The following STRN variants were observed in gnomAD, a reference collection of about 807,000 sequenced individuals.
STRN encodes striatin.
STRN carries 53 observed loss-of-function variants against 96.3 expected under a neutral mutation model. That is an observed-to-expected ratio of 0.55 (90% CI 0.44 to 0.69). The LOEUF (loss-of-function observed/expected upper bound fraction) is 0.69. Ranked by LOEUF, STRN falls within the 30% of genes least tolerant of loss-of-function variation. STRN has a pLI of 0.00. For synonymous variants in STRN, 428 were observed against 355.9 expected (o/e 1.20, Z -2.28); for missense variants, 987 against 963.9 (o/e 1.02, Z -0.32).
In STRN at chr2:36,877,898, G is replaced by A. The variant is rs77353404; in HGVS notation, c.1316C>T (p.Thr439Ile). 0.017 allele frequency: 26,643 copies of A among 1,613,832 alleles called. 263 individuals carry two copies. The highest frequency in any genetic ancestry group is 0.02 in the Non-Finnish European group (23,115 of 1,179,924). ...AACAAAACTACTACTTACATCATAA[G>A]TTAGTGAGTCTGCTTCATTGGCCAC... The part of the protein sequence containing the change: ...LTVANEADSL[T>I]YDIANNKDAL... The change falls in exon 10 of 18, where the codon ACT becomes ATT. Residue 439 changes from threonine to isoleucine, a missense_variant. By Grantham distance (89) the Thr-to-Ile change is moderately conservative. Transcript: ENST00000263918.
At chr2:36,919,508 A>C (rs921678271) in intron 2 of STRN, among the ~76,000 whole-genome samples, 1 of 152,214 alleles carries the variant, frequency 6.6e-6, no homozygotes, top group Non-Finnish European at 1.5e-5. Context: ...CAGTGGGTCA[A>C]AAAACAGCAG....
At chr2:36,903,611 G>A (rs1350150725) in intron 4 of STRN, among the ~76,000 whole-genome samples, 1 of 152,126 alleles carries the variant, frequency 6.6e-6, no homozygotes, top group Non-Finnish European at 1.5e-5. Context: ...CGAGTCTACT[G>A]GATGAAAGAA....
At chr2:36,907,058 TAA>T (rs953620731) in intron 3 of STRN, among the ~76,000 whole-genome samples, 10 of 152,058 alleles carry the variant, frequency 6.6e-5, no homozygotes, top group African/African-American at 2.4e-4. Context: ...GGTGATAAAA[TAA>T]AAAGAGCTTT....
intron 1 of STRN, among the ~76,000 whole-genome samples, chr2:36,961,114 A>ATTTT (rs1665019693): frequency 1.2e-4 from 9 of 73,352 alleles, no homozygotes; most frequent in African/African-American, 6.7e-4. Context: ...CCCAGGCTGC[A>ATTTT]CTTTTTTTTT....
chr2:36,899,785 T>C, intron 5 of STRN, 127 bp from the exon 6 acceptor site: 2 of 864,688 alleles, frequency 2.3e-6, no homozygotes, highest in Non-Finnish European at 3.4e-6. Context: ...ATTATCTACA[T>C]TGATTCTTAT....
At chr2:36,865,418 C>A (rs1668595973) in intron 12 of STRN, among the ~76,000 whole-genome samples, 1 of 151,998 alleles carries the variant, frequency 6.6e-6, no homozygotes, top group African/African-American at 2.4e-5. Context: ...TTCGAAGAAC[C>A]AACTTCTGGT....
At chr2:36,854,154 T>C (rs1160914559) in intron 15 of STRN, among the ~76,000 whole-genome samples, 2 of 152,176 alleles carry the variant, frequency 1.3e-5, no homozygotes, top group Non-Finnish European at 2.9e-5. Flanking sequence ...ATATAATCTC[T>C]GAAGGTAATT....
At chr2:36,882,762 C>CT (rs1490332357) in intron 9 of STRN, among the ~76,000 whole-genome samples, 1 of 152,086 alleles carries the variant, frequency 6.6e-6, no homozygotes, top group Non-Finnish European at 1.5e-5. Flanking sequence ...GAGTGACAGC[C>CT]TGTCTCCAAA....
At chr2:36,942,921 C>G (rs1451898674) in intron 1 of STRN, among the ~76,000 whole-genome samples, 1 of 152,106 alleles carries the variant, frequency 6.6e-6, no homozygotes, top group Admixed American at 6.6e-5. Context: ...GTGTCGAACT[C>G]CTGACCTCAA....
At chr2:36,923,383 G>A (rs1203922526) in intron 2 of STRN, among the ~76,000 whole-genome samples, 4 of 149,400 alleles carry the variant, frequency 2.7e-5, no homozygotes, top group Admixed American at 6.7e-5. Flanking sequence ...CCCAGAAGGC[G>A]GAGGTTGCAG....
At chr2:36,935,332 C>T (rs1670675675) in intron 1 of STRN, among the ~76,000 whole-genome samples, 1 of 152,168 alleles carries the variant, frequency 6.6e-6, no homozygotes, top group South Asian at 2.1e-4. Flanking sequence ...AAAAAAACCT[C>T]TGTATGTACA....
Position 36,909,164 on chromosome 2 carries a change from A to G in STRN, c.413-3546T>C, listed in dbSNP as rs577589910. Among the ~76,000 whole-genome samples, 3 of 152,048 alleles carry G rather than the reference A, an allele frequency of 2.0e-5. No homozygotes were observed. In the East Asian group the frequency reaches 5.8e-4, roughly 29 times the overall value. Reference sequence around the variant, plus strand: ...GAGCTAGAGACTTCATCTCAAAAAAAAAAAAAAAAAAAATTCAGGTTAAAA... The same window carrying G: ...GAGCTAGAGACTTCATCTCAAAAAAGAAAAAAAAAAAAATTCAGGTTAAAA... On this transcript the variant is annotated intron_variant, in intron 3 of 17. Coordinates refer to ENST00000263918, the MANE Select transcript of STRN (RefSeq NM_003162.4).
chr2:36,866,049 T>G (rs1004470787), intron 12 of STRN, among the ~76,000 whole-genome samples: 3 of 152,152 alleles, frequency 2.0e-5, no homozygotes, highest in African/African-American at 7.2e-5. Context: ...CTGTATGGTT[T>G]TGAGCAATCT....
intron 12 of STRN, among the ~76,000 whole-genome samples, chr2:36,867,199 C>T (rs1008872203): frequency 5.9e-5 from 9 of 151,826 alleles, no homozygotes; most frequent in Non-Finnish European, 1.3e-4. Context: ...AATATGAAAC[C>T]CTTCGGCCAG....
At chr2:36,886,311 G>A (rs1669225412) in intron 8 of STRN, among the ~76,000 whole-genome samples, 1 of 152,154 alleles carries the variant, frequency 6.6e-6, no homozygotes, top group African/African-American at 2.4e-5. Context: ...TGTCACCAAT[G>A]TCTAAAATTA....
At chr2:36,925,270 A>T in intron 1 of STRN, 62 bp from the exon 2 acceptor site, 1 of 1,141,416 alleles carries the variant, frequency 8.8e-7, no homozygotes, top group South Asian at 1.3e-5. Flanking sequence ...TTTTTAACTC[A>T]GTAAAGAACC....
intron 7 of STRN, among the ~76,000 whole-genome samples, chr2:36,890,673 G>A (rs1400976988): frequency 4.6e-5 from 7 of 151,744 alleles, no homozygotes; most frequent in African/African-American, 1.7e-4. Flanking sequence ...TAGTAGAGAT[G>A]GGGTTTCACC....
chr2:36,861,003 A>G, intron 13 of STRN, 129 bp downstream of exon 13: 1 of 1,141,332 alleles, frequency 8.8e-7, no homozygotes. Context: ...CCTTTTTAAC[A>G]AAATAAAGAT....
At position 36,951,387 on chromosome 2, in the gene STRN, A is replaced by G. The variant is rs1011013450; in HGVS notation, c.234+14843T>C. Among the ~76,000 whole-genome samples, 11 of 152,362 alleles carry G rather than the reference A, an allele frequency of 7.2e-5. 1 individual carries two copies. In the Middle Eastern group the frequency reaches 0.02, roughly 283 times the overall value. On this transcript the variant is annotated intron_variant, in intron 1 of 17. Transcript: ENST00000263918. Reference sequence around the variant, plus strand: ...GCCCAGGCAATGCTTTATACAATAAAATGCAGACACTATTTGCTGCACTAA... The same window carrying G: ...GCCCAGGCAATGCTTTATACAATAAGATGCAGACACTATTTGCTGCACTAA...
Sources: allele counts gnomAD v4.1 joint callset (sites outside exome capture counted in the v4.1 genomes callset), GRCh38; gene constraint gnomAD v4.1.1; transcripts MANE v1.5; gene names NCBI Gene and HGNC (gene_info 2026-07-23, HGNC 2026-07-21).